Variants in PHF2 observed in about 807,000 individuals in gnomAD.
PHF2 encodes the protein lysine-specific demethylase PHF2.
PHF2 carries 27 observed loss-of-function variants against 120.5 expected under a neutral mutation model. That is an observed-to-expected ratio of 0.22 (90% CI 0.17 to 0.31). The LOEUF (loss-of-function observed/expected upper bound fraction) is 0.31, where lower values mean the gene tolerates loss of function less well. PHF2 is among the 10% of genes least tolerant of loss of function. PHF2 has a pLI of 1.00. For synonymous variants in PHF2, 568 were observed against 592.5 expected, an observed-to-expected ratio of 0.96 and a Z score of 0.60; for missense variants, 1,024 against 1,434.8, an observed-to-expected ratio of 0.71 and a Z score of 4.63.
chr9:93,649,367 T>G (rs891967861), intron 5 of PHF2, among the ~76,000 whole-genome samples, 155 bp downstream of exon 5: 1 of 105,304 alleles, frequency 9.5e-6, no homozygotes, highest in African/African-American at 4.3e-5. Context: ...CTCTTTTAAA[T>G]TTTTTCCTTT....
chr9:93,627,818 T>C (rs1201997477), intron 1 of PHF2, among the ~76,000 whole-genome samples: 1 of 152,110 alleles, frequency 6.6e-6, no homozygotes, highest in Middle Eastern at 3.2e-3. Flanking sequence ...GGATGGGGAA[T>C]TGGGGAAGGA....
intron 5 of PHF2, among the ~76,000 whole-genome samples, chr9:93,651,020 G>A (rs1826360440): frequency 6.6e-6 from 1 of 151,856 alleles, no homozygotes; most frequent in South Asian, 2.1e-4. Flanking sequence ...GGGAGGCTGA[G>A]GCAGGAGGAT....
At chr9:93,581,414 T>TG (rs1050114184) in intron 1 of PHF2, among the ~76,000 whole-genome samples, 4 of 152,162 alleles carry the variant, frequency 2.6e-5, no homozygotes, top group African/African-American at 9.7e-5. Context: ...CGGGGAGTAC[T>TG]GGGGGAAGGG....
intron 15 of PHF2, 40 bp downstream of exon 15, chr9:93,665,904 G>C (rs1826669680): frequency 6.2e-7 from 1 of 1,612,090 alleles, no homozygotes; most frequent in African/African-American, 1.3e-5. Context: ...GTGTGGGAGA[G>C]GCCCATCCTG....
At position 93,675,742 on chromosome 9, in the gene PHF2, T is replaced by A; in HGVS notation, c.2785T>A (p.Ser929Thr). 6.2e-7 allele frequency: 1 copy of A among 1,612,874 alleles called. No homozygotes were observed. The highest frequency in any genetic ancestry group is 8.5e-7 in the Non-Finnish European group (1 of 1,179,902). ...RPVREGTRVA[S>T]IETGLAAAAA... ...TGTGCGTGAGGGTACACGGGTGGCT[T>A]CCATCGAGACCGGGCTGGCGGCTGC... is the stretch of plus-strand genomic sequence containing the variant. Residue 929 changes from serine (S) to threonine (T), a missense_variant, in exon 20 of 22, where the codon TCC becomes ACC. This residue lies in a region of PHF2 where 677 missense variants were observed against 857.4 expected (regional missense o/e 0.79). Transcript: ENST00000359246.
In PHF2 at chr9:93,579,461, G is replaced by C. The variant is rs561969080; in HGVS notation, c.98+2590G>C. Among the ~76,000 whole-genome samples, 3 of 152,294 alleles carry C rather than the reference G, an allele frequency of 2.0e-5. No individual in the cohort carries two copies. In the South Asian group the frequency reaches 6.2e-4, roughly 32 times the overall value. The stretch of plus-strand genomic sequence containing the variant: ...CCACAATGAAGGAGTTAACGCTGGT[G>C]CCGGGCTGCTGACTAAACTACAGGC... On this transcript the variant is annotated intron_variant, in intron 1 of 21. Coordinates refer to ENST00000359246, the MANE Select transcript of PHF2 (RefSeq NM_005392.4).
At chr9:93,598,452 A>G (rs1268755865) in intron 1 of PHF2, among the ~76,000 whole-genome samples, 2 of 152,010 alleles carry the variant, frequency 1.3e-5, no homozygotes, top group Non-Finnish European at 2.9e-5. Context: ...GGCTGGATGT[A>G]CCACCCTTCC....
chr9:93,674,857 A>AC (rs1376732074), intron 18 of PHF2, 70 bp from the exon 19 acceptor site: 44 of 1,096,332 alleles, frequency 4.0e-5, no homozygotes, highest in Middle Eastern at 4.1e-4. Context: ...AGCCACCTGT[A>AC]CCCCCCCGCC....
At chr9:93,666,143 C>T (rs76863038) in intron 16 of PHF2, 83 bp downstream of exon 16, 115,822 of 1,448,104 alleles carry the variant, frequency 0.08, 5,213 homozygotes, top group Non-Finnish European at 0.092. Context: ...GACTCCAGGG[C>T]GGTCTCTGGG....
chr9:93,665,593 C>T (rs577856258), intron 14 of PHF2, 93 bp from the exon 15 acceptor site: 123 of 1,391,830 alleles, frequency 8.8e-5, no homozygotes, highest in Non-Finnish European at 1.1e-4. Flanking sequence ...GCCATCCTGC[C>T]GCGGCCCTGG....
chr9:93,582,291 C>T (rs1391100239), intron 1 of PHF2, among the ~76,000 whole-genome samples: 2 of 152,178 alleles, frequency 1.3e-5, no homozygotes, highest in African/African-American at 2.4e-5. Flanking sequence ...GAGCAAATAC[C>T]GGGGCTGATA....
At chr9:93,658,980 G>A (rs1195840345) in intron 10 of PHF2, among the ~76,000 whole-genome samples, 1 of 152,216 alleles carries the variant, frequency 6.6e-6, no homozygotes, top group Non-Finnish European at 1.5e-5. Context: ...GAGGTACTAT[G>A]CCCACTCTTG....
At chr9:93,648,638 T>A (rs1002004380) in intron 4 of PHF2, among the ~76,000 whole-genome samples, 2 of 152,236 alleles carry the variant, frequency 1.3e-5, no homozygotes, top group Non-Finnish European at 1.5e-5. Context: ...TTTCCCTTTA[T>A]CAGTCTGCCA....
At chr9:93,619,130 G>A (rs999608222) in intron 1 of PHF2, among the ~76,000 whole-genome samples, 8 of 151,974 alleles carry the variant, frequency 5.3e-5, no homozygotes, top group Non-Finnish European at 5.9e-5. Context: ...GATGTTCTCC[G>A]CTTCTCCTTT....
rs760132930 is a variant in PHF2, at chr9:93,582,170, C to G, written c.98+5299C>G. ...GCTAGGGCCTCTGTCACACACAGGT[C>G]TCTGGCTTCATCAGGTGCACTCTGA... On this transcript the variant is annotated intron_variant, in intron 1 of 21. Coordinates refer to ENST00000359246, the MANE Select transcript of PHF2 (RefSeq NM_005392.4). Among the ~76,000 whole-genome samples, 23 of 152,298 alleles carry G rather than the reference C, an allele frequency of 1.5e-4. 1 individual carries two copies. In the Middle Eastern group the frequency reaches 0.014, roughly 90 times the overall value.
chr9:93,598,959 C>T (rs1474451116), intron 1 of PHF2, among the ~76,000 whole-genome samples: 2 of 152,280 alleles, frequency 1.3e-5, no homozygotes, highest in Middle Eastern at 3.4e-3. Context: ...CTGGTATGTC[C>T]GTGTGCGCCC....
At chr9:93,636,645 A>G (rs768131137) in intron 3 of PHF2, 120 bp downstream of exon 3, 9 of 789,840 alleles carry the variant, frequency 1.1e-5, no homozygotes, top group Admixed American at 2.4e-5. Flanking sequence ...GAAAGCAGGA[A>G]GCAGGAAGCC....
chr9:93,613,533 G>A (rs1825672278), intron 1 of PHF2, among the ~76,000 whole-genome samples: 1 of 135,308 alleles, frequency 7.4e-6, no homozygotes, highest in Admixed American at 7.4e-5. Flanking sequence ...TCCCGGTGGA[G>A]ATTGGGGTTC....
chr9:93,619,138 T>C (rs1825782129), intron 1 of PHF2, among the ~76,000 whole-genome samples: 1 of 152,044 alleles, frequency 6.6e-6, no homozygotes, highest in Non-Finnish European at 1.5e-5. Context: ...CCGCTTCTCC[T>C]TTGTAGCTCT....
Sources: gnomAD v4.1 joint callset for allele counts (sites outside exome capture counted in the v4.1 genomes callset) on GRCh38, gnomAD v4.1.1 for gene constraint, gnomAD v4.1.1 regional missense constraint, MANE v1.5 for transcripts, NCBI Gene and HGNC (gene_info 2026-07-23, HGNC 2026-07-21) for gene names.